Variants in GRM7 observed in about 807,000 individuals in gnomAD.
GRM7 encodes glutamate metabotropic receptor 7.
A neutral mutation model predicts 84.5 loss-of-function variants in GRM7; 35 were observed. The observed-to-expected ratio is 0.41, with a 90% CI of 0.32 to 0.55. The LOEUF (loss-of-function observed/expected upper bound fraction) is 0.55. Among genes scored for constraint, GRM7 ranks in the 20% least tolerant of loss-of-function variants. The pLI, the probability that GRM7 is intolerant of heterozygous loss-of-function variation, is 0.19. For missense variants in GRM7, 1,003 were observed against 1,194.6 expected, an observed-to-expected ratio of 0.84 and a Z score of 2.36; for synonymous variants, 487 against 455.1, an observed-to-expected ratio of 1.07 and a Z score of -0.89.
chr3:7,064,501 T>TATATATACACACACACAC (rs1417949952), intron 1 of GRM7, among the ~76,000 whole-genome samples: 1 of 90,294 alleles, frequency 1.1e-5, no homozygotes. Context: ...CATATATATA[T>TATATATACACACACACAC]ACACATATAT....
At chr3:7,287,291 A>C (rs1247380446) in intron 2 of GRM7, among the ~76,000 whole-genome samples, 1 of 152,166 alleles carries the variant, frequency 6.6e-6, no homozygotes, top group African/African-American at 2.4e-5. Context: ...TTCTGTTGGA[A>C]TTCTCTAAAG....
intron 7 of GRM7, among the ~76,000 whole-genome samples, chr3:7,468,089 A>G (rs1203529422): frequency 6.6e-6 from 1 of 152,224 alleles, no homozygotes; most frequent in Non-Finnish European, 1.5e-5. Context: ...ATACCTGCCT[A>G]TAAAACTGCT....
At chr3:7,316,978 G>C (rs1700605489) in intron 4 of GRM7, among the ~76,000 whole-genome samples, 1 of 152,150 alleles carries the variant, frequency 6.6e-6, no homozygotes. Context: ...AGACTGGCCA[G>C]TGAGGAAGAA....
intron 7 of GRM7, among the ~76,000 whole-genome samples, chr3:7,517,831 A>G (rs535681071): frequency 6.6e-6 from 1 of 152,316 alleles, no homozygotes; most frequent in Admixed American, 6.5e-5. Flanking sequence ...CCAGATTTTA[A>G]CTTAAGTAGT....
intron 5 of GRM7, among the ~76,000 whole-genome samples, chr3:7,435,995 C>A (rs944463213): frequency 6.6e-6 from 1 of 151,116 alleles, no homozygotes; most frequent in Non-Finnish European, 1.5e-5. Flanking sequence ...AGCCACCAGG[C>A]CCAGCCATGC....
chr3:7,006,996 A>G (rs1368398890), intron 1 of GRM7, among the ~76,000 whole-genome samples: 8 of 152,358 alleles, frequency 5.3e-5, no homozygotes, highest in Middle Eastern at 3.4e-3. Context: ...AGACAAAACA[A>G]CAAACCTTGG....
chr3:6,957,119 T>C (rs1693088004), intron 1 of GRM7, among the ~76,000 whole-genome samples: 2 of 152,230 alleles, frequency 1.3e-5, no homozygotes, highest in African/African-American at 4.8e-5. Flanking sequence ...GAGTGTCTTT[T>C]TAAGATTGCC....
intron 1 of GRM7, among the ~76,000 whole-genome samples, chr3:6,947,663 G>A (rs575338742): frequency 4.9e-4 from 75 of 152,248 alleles, no homozygotes; most frequent in Non-Finnish European, 5.4e-4. Flanking sequence ...GGTAGAATTC[G>A]ACTGTGAATC....
chr3:7,536,586 T>C (rs7651961), intron 7 of GRM7, among the ~76,000 whole-genome samples: 15,998 of 152,248 alleles, frequency 0.11, 949 homozygotes, highest in South Asian at 0.13. Context: ...TAGGATGTCA[T>C]TGCTGAGGCT....
At chr3:7,704,263 G>A (rs1392984872) in intron 9 of GRM7, among the ~76,000 whole-genome samples, 3 of 152,070 alleles carry the variant, frequency 2.0e-5, no homozygotes, top group East Asian at 1.9e-4. Flanking sequence ...TATTTTCAAC[G>A]TTTTAAAATA....
intron 1 of GRM7, among the ~76,000 whole-genome samples, chr3:7,068,434 T>C (rs6769492): frequency 0.12 from 18,040 of 152,072 alleles, 1,640 homozygotes; most frequent in African/African-American, 0.25. Flanking sequence ...CAAAGTACGC[T>C]ACACAGCTGA....
intron 1 of GRM7, among the ~76,000 whole-genome samples, chr3:6,865,253 T>A (rs1559293034): frequency 6.6e-6 from 1 of 152,058 alleles, no homozygotes; most frequent in Non-Finnish European, 1.5e-5. Context: ...GTAACATATT[T>A]AAAAAAAATC....
intron 1 of GRM7, among the ~76,000 whole-genome samples, chr3:6,870,355 G>A (rs1695081413): frequency 6.6e-6 from 1 of 152,122 alleles, no homozygotes; most frequent in Non-Finnish European, 1.5e-5. Flanking sequence ...GAGTAGGAAT[G>A]ACCAGTGCCA....
intron 7 of GRM7, among the ~76,000 whole-genome samples, chr3:7,515,771 A>G (rs1700354136): frequency 6.6e-6 from 1 of 152,110 alleles, no homozygotes. Flanking sequence ...TATGTCACAG[A>G]TCTTACTAAA....
intron 1 of GRM7, among the ~76,000 whole-genome samples, chr3:7,128,083 G>A (rs903424028): frequency 6.6e-6 from 1 of 151,126 alleles, no homozygotes; most frequent in Non-Finnish European, 1.5e-5. Flanking sequence ...ATGTATTATA[G>A]ATTACTCATA....
chr3:6,895,971 A>G (rs1277281902), intron 1 of GRM7, among the ~76,000 whole-genome samples: 3 of 152,182 alleles, frequency 2.0e-5, no homozygotes, highest in African/African-American at 7.2e-5. Flanking sequence ...ATGTCAGCCC[A>G]GCCAATAATT....
chr3:7,702,872 C>A (rs1279984910), intron 9 of GRM7, among the ~76,000 whole-genome samples: 1 of 151,948 alleles, frequency 6.6e-6, no homozygotes, highest in African/African-American at 2.4e-5. Context: ...TTAAAAAATA[C>A]ACTGAAATAC....
At chr3:7,611,656 C>T (rs1225736178) in intron 8 of GRM7, among the ~76,000 whole-genome samples, 4 of 152,098 alleles carry the variant, frequency 2.6e-5, no homozygotes, top group African/African-American at 9.7e-5. Context: ...TGTTCTTGCT[C>T]ATAAAAGTTG....
chr3:7,128,531 G>A lies in GRM7; in HGVS notation c.520-17921G>A, dbSNP rs1440167068. Among the ~76,000 whole-genome samples, 7 of 75,318 alleles carry A rather than the reference G, an allele frequency of 9.3e-5. 2 individuals are homozygous for A. Among genetic ancestry groups the A allele is most frequent in the African/African-American group, 4.3e-4 (7 of 16,184 alleles). The allele number at this position is 75,318 out of a possible 152,430, so 49.4% of individuals were successfully genotyped here. ...TTGTTTTTTTTTTTTTTTTTGAGAT[G>A]GAGTCTTGCTGTGTCACCTAGGCTG... On this transcript the variant is annotated intron_variant, in intron 1 of 9. Transcript: ENST00000357716.
Sources: allele counts gnomAD v4.1 joint callset (sites outside exome capture counted in the v4.1 genomes callset), GRCh38; gene constraint gnomAD v4.1.1; transcripts MANE v1.5; gene names NCBI Gene and HGNC (gene_info 2026-07-23, HGNC 2026-07-21).